ANKRD36B: variants seen among roughly 807,000 people sequenced by gnomAD.
ANKRD36B encodes the protein ankyrin repeat domain-containing protein 36B.
ANKRD36B carries 37 observed loss-of-function variants against 135.7 expected under a neutral mutation model. The observed-to-expected ratio is 0.27, with a 90% CI of 0.21 to 0.36. ANKRD36B has a LOEUF of 0.36. ANKRD36B is among the 10% of genes least tolerant of loss of function. The probability of loss-of-function intolerance (pLI) is 1.00; values close to 1 mark genes in which losing one functional copy is unlikely to be tolerated. For synonymous variants in ANKRD36B, 179 were observed against 348.1 expected, an observed-to-expected ratio of 0.51 and a Z score of 5.41; for missense variants, 549 against 1,037.1, an observed-to-expected ratio of 0.53 and a Z score of 6.46.
At chr2:97,573,196 G>C (rs1396172892) in intron 6 of ANKRD36B, among the ~76,000 whole-genome samples, 2 of 152,092 alleles carry the variant, frequency 1.3e-5, no homozygotes, top group East Asian at 3.9e-4. Flanking sequence ...AATTTGCTGA[G>C]AATGATGGTT....
intron 6 of ANKRD36B, among the ~76,000 whole-genome samples, chr2:97,570,951 T>C (rs1047285225): frequency 6.6e-6 from 1 of 152,204 alleles, no homozygotes; most frequent in African/African-American, 2.4e-5. Context: ...CTCATCTGTT[T>C]TCCTTAACAG....
chr2:97,554,477 A>T (rs1435133438), intron 14 of ANKRD36B, among the ~76,000 whole-genome samples: 2 of 151,906 alleles, frequency 1.3e-5, no homozygotes, highest in Non-Finnish European at 2.9e-5. Context: ...AGCTGCCAAA[A>T]TCAAATCTTT....
chr2:97,548,050 T>C (rs2079658241), intron 20 of ANKRD36B, among the ~76,000 whole-genome samples: 1 of 151,722 alleles, frequency 6.6e-6, no homozygotes, highest in Non-Finnish European at 1.5e-5. Context: ...GAGGAGAAAC[T>C]CATACACCTG....
At chr2:97,583,228 C>A (rs1321791050) in intron 3 of ANKRD36B, among the ~76,000 whole-genome samples, 1 of 103,756 alleles carries the variant, frequency 9.6e-6, no homozygotes. Flanking sequence ...TGAGAGAACC[C>A]CGCTTTTAAT....
chr2:97,553,860 C>T (rs190317287), intron 14 of ANKRD36B, among the ~76,000 whole-genome samples: 1 of 152,088 alleles, frequency 6.6e-6, no homozygotes, highest in African/African-American at 2.4e-5. Flanking sequence ...TGAATGTACA[C>T]GTCATGTCTC....
intron 1 of ANKRD36B, among the ~76,000 whole-genome samples, chr2:97,585,926 A>G (rs901695292): frequency 2.0e-5 from 3 of 152,234 alleles, no homozygotes; most frequent in African/African-American, 7.2e-5. Flanking sequence ...ATTCTCTTAT[A>G]TAAGCTACTA....
Position 97,514,039 on chromosome 2 carries a change from G to A in ANKRD36B, c.2622-676C>T, listed in dbSNP as rs560674325. Reference sequence around the variant, plus strand: ...AACCAAGCTGCACCCCGACCACTTCGGGCACATGTTCTCAGGACCTCCTGA... The same window carrying A: ...AACCAAGCTGCACCCCGACCACTTCAGGCACATGTTCTCAGGACCTCCTGA... On this transcript the variant is annotated intron_variant, in intron 37 of 43. Coordinates refer to ENST00000359901, the MANE Select transcript of ANKRD36B (RefSeq NM_001393939.1). 3.4e-4 allele frequency among the ~76,000 whole-genome samples: 46 copies of A among 133,526 alleles called. 12 individuals carry two copies. The highest frequency in any genetic ancestry group is 1.4e-3 in the African/African-American group (36 of 26,354). 87.6% of individuals were successfully genotyped at this position (133,526 alleles called of 152,430 possible). A position where few individuals can be genotyped will look rare whatever the true frequency, so the allele number is the denominator to read the frequency against.
At chr2:97,549,247 GCAGCAT>G (rs71849050) in intron 20 of ANKRD36B, among the ~76,000 whole-genome samples, 166 bp downstream of exon 20, 73,471 of 137,152 alleles carry the variant, frequency 0.54, 23,493 homozygotes, top group Non-Finnish European at 0.66. Flanking sequence ...TTCCAGACCA[GCAGCAT>G]CAGCATCAGC....
intron 16 of ANKRD36B, among the ~76,000 whole-genome samples, chr2:97,552,293 G>C (rs1331018659): frequency 6.6e-6 from 1 of 151,012 alleles, no homozygotes; most frequent in Non-Finnish European, 1.5e-5. Context: ...CATTTTAGGA[G>C]TTAGTTAGAA....
At chr2:97,564,959 T>C (rs2081324265) in intron 6 of ANKRD36B, among the ~76,000 whole-genome samples, 1 of 152,172 alleles carries the variant, frequency 6.6e-6, no homozygotes, top group African/African-American at 2.4e-5. Context: ...CAAATTACTT[T>C]GGGCAGTATG....
At chr2:97,574,729 C>T (rs1364957679) in intron 6 of ANKRD36B, among the ~76,000 whole-genome samples, 2 of 152,102 alleles carry the variant, frequency 1.3e-5, no homozygotes, top group African/African-American at 4.8e-5. Context: ...TTTCAGAATG[C>T]ATCCAGAAGA....
chr2:97,554,877 T>C (rs571790578), intron 14 of ANKRD36B, among the ~76,000 whole-genome samples, 183 bp downstream of exon 14: 3 of 152,018 alleles, frequency 2.0e-5, no homozygotes, highest in East Asian at 1.9e-4. Flanking sequence ...AATCTTACTG[T>C]GAAGATCATG....
chr2:97,494,411 A>G (rs1436377304), intron 43 of ANKRD36B, among the ~76,000 whole-genome samples: 1 of 106,602 alleles, frequency 9.4e-6, no homozygotes, highest in Non-Finnish European at 2.6e-5. Flanking sequence ...TATGACACAC[A>G]TGGCTAGAGA....
intron 4 of ANKRD36B, among the ~76,000 whole-genome samples, chr2:97,579,887 T>A (rs2104269316): frequency 1.3e-5 from 2 of 152,264 alleles, no homozygotes; most frequent in Middle Eastern, 6.8e-3. Flanking sequence ...ACCCTCCTTT[T>A]CACAGAAGAA....
At position 97,572,182 on chromosome 2, in the gene ANKRD36B, C is replaced by T. The variant is rs569358799; in HGVS notation, c.763+4197G>A. Among the ~76,000 whole-genome samples, 391 of 151,398 alleles carry T rather than the reference C, an allele frequency of 2.6e-3. 1 individual carries two copies. The highest frequency in any genetic ancestry group is 6.8e-3 in the Middle Eastern group (2 of 292). On this transcript the variant is annotated intron_variant, in intron 6 of 43. Coordinates refer to ENST00000359901, the MANE Select transcript of ANKRD36B (RefSeq NM_001393939.1). ...TAGCAGTCTCAATGACTTAGGAGGC[C>T]GAGGTAGGAGGACCACCTGAACCCA... is the stretch of plus-strand genomic sequence containing the variant.
intron 16 of ANKRD36B, 57 bp downstream of exon 16, chr2:97,553,111 G>A (rs2080211183): frequency 1.3e-6 from 2 of 1,572,630 alleles, no homozygotes; most frequent in South Asian, 1.1e-5. Context: ...ATTAGGGGTA[G>A]AGAAGTTCGT....
At chr2:97,550,217 C>T (rs1404389863) in intron 18 of ANKRD36B, among the ~76,000 whole-genome samples, 1 of 139,628 alleles carries the variant, frequency 7.2e-6, no homozygotes, top group African/African-American at 2.5e-5. Context: ...TAATAATCTG[C>T]CTAAGTTTCT....
chr2:97,546,740 G>C (rs11690658), intron 22 of ANKRD36B, among the ~76,000 whole-genome samples: 1 of 151,570 alleles, frequency 6.6e-6, no homozygotes, highest in African/African-American at 2.4e-5. Context: ...TGTTATTCTC[G>C]AAAGAAGTTT....
intron 37 of ANKRD36B, among the ~76,000 whole-genome samples, chr2:97,514,990 G>GC (rs1489643636): frequency 1.3e-5 from 1 of 77,150 alleles, no homozygotes; most frequent in East Asian, 2.5e-4. Flanking sequence ...TGCAACCTCT[G>GC]CCTCCCAGTT....
Sources: allele counts gnomAD v4.1 joint callset (sites outside exome capture counted in the v4.1 genomes callset), GRCh38; gene constraint gnomAD v4.1.1; transcripts MANE v1.5; gene names NCBI Gene and HGNC (gene_info 2026-07-23, HGNC 2026-07-21).